The following SLC2A13 variants were observed in gnomAD, a reference collection of about 807,000 sequenced individuals.
SLC2A13 encodes the protein proton myo-inositol cotransporter.
SLC2A13 carries 32 observed loss-of-function variants against 64.4 expected under a neutral mutation model. The observed-to-expected ratio is 0.50, with a 90% CI of 0.37 to 0.67. The LOEUF is 0.67. Among genes scored for constraint, SLC2A13 ranks in the 30% least tolerant of loss-of-function variants. The pLI, the probability that SLC2A13 is intolerant of heterozygous loss-of-function variation, is 0.00. For synonymous variants in SLC2A13, 338 were observed against 327.1 expected (o/e 1.03, Z -0.36); for missense variants, 743 against 829.2 (o/e 0.90, Z 1.28).
chr12:39,838,386 A>C (rs1592190234), intron 6 of SLC2A13, among the ~76,000 whole-genome samples: 1 of 146,392 alleles, frequency 6.8e-6, no homozygotes, highest in East Asian at 2.1e-4. Flanking sequence ...GATATACCTA[A>C]TGCTAGATGA....
intron 3 of SLC2A13, among the ~76,000 whole-genome samples, chr12:39,986,978 A>G (rs973964265): frequency 1.3e-5 from 2 of 152,190 alleles, no homozygotes; most frequent in Non-Finnish European, 2.9e-5. Context: ...CAAGATTTAA[A>G]TACCTAGAGA....
intron 6 of SLC2A13, among the ~76,000 whole-genome samples, chr12:39,860,459 T>C (rs1225099064): frequency 3.3e-5 from 5 of 152,210 alleles, no homozygotes; most frequent in Non-Finnish European, 7.3e-5. Context: ...ATGGACTTAA[T>C]TATCATGCAT....
intron 3 of SLC2A13, among the ~76,000 whole-genome samples, chr12:39,984,140 G>A (rs1267713558): frequency 6.6e-6 from 1 of 151,298 alleles, no homozygotes. Flanking sequence ...GAGATCACAT[G>A]GACACAGGAA....
At chr12:40,096,092 T>A (rs1938932438) in intron 1 of SLC2A13, among the ~76,000 whole-genome samples, 2 of 151,700 alleles carry the variant, frequency 1.3e-5, no homozygotes, top group Non-Finnish European at 2.9e-5. Flanking sequence ...GCTAATTTTT[T>A]TTTTTTTTTG....
At chr12:39,797,009 A>G (rs1941598437) in intron 7 of SLC2A13, among the ~76,000 whole-genome samples, 1 of 152,236 alleles carries the variant, frequency 6.6e-6, no homozygotes, top group Non-Finnish European at 1.5e-5. Flanking sequence ...AGTGTAAAAG[A>G]GTGTTTTTTG....
intron 4 of SLC2A13, among the ~76,000 whole-genome samples, chr12:39,935,723 C>T (rs752178663): frequency 6.6e-6 from 1 of 152,116 alleles, no homozygotes; most frequent in Admixed American, 6.6e-5. Context: ...GACATGTGAC[C>T]TAAGTTTGGA....
intron 1 of SLC2A13, among the ~76,000 whole-genome samples, chr12:40,064,157 A>G (rs1948471621): frequency 6.6e-6 from 1 of 152,092 alleles, no homozygotes; most frequent in African/African-American, 2.4e-5. Context: ...TGTCAGGATG[A>G]TCACTTGAGT....
chr12:39,864,669 C>G, intron 6 of SLC2A13, 93 bp downstream of exon 6: 2 of 1,511,382 alleles, frequency 1.3e-6, no homozygotes, highest in Non-Finnish European at 1.8e-6. Flanking sequence ...GCCCAGCAAG[C>G]TCCTACTCAT....
At chr12:39,840,108 T>G (rs1310587172) in intron 6 of SLC2A13, among the ~76,000 whole-genome samples, 1 of 152,094 alleles carries the variant, frequency 6.6e-6, no homozygotes, top group East Asian at 1.9e-4. Context: ...CTTGGCTCAC[T>G]GCAACCTCCG....
chr12:39,845,028 T>A (rs1288950197), intron 6 of SLC2A13, among the ~76,000 whole-genome samples: 1 of 151,960 alleles, frequency 6.6e-6, no homozygotes, highest in Non-Finnish European at 1.5e-5. Flanking sequence ...TAAAAATAAT[T>A]TATAAGTTAT....
intron 6 of SLC2A13, among the ~76,000 whole-genome samples, chr12:39,846,937 C>A (rs761373336): frequency 2.0e-5 from 3 of 152,118 alleles, no homozygotes; most frequent in Non-Finnish European, 4.4e-5. Flanking sequence ...AAGGAAATCA[C>A]TCATTTGTTC....
At chr12:39,850,180 A>T (rs752767915) in intron 6 of SLC2A13, among the ~76,000 whole-genome samples, 5 of 152,190 alleles carry the variant, frequency 3.3e-5, no homozygotes, top group Non-Finnish European at 7.3e-5. Context: ...GGATTTGTCC[A>T]TAAGTAGCTA....
chr12:39,968,102 G>A (rs903352378), intron 3 of SLC2A13, among the ~76,000 whole-genome samples: 40 of 152,096 alleles, frequency 2.6e-4, no homozygotes, highest in African/African-American at 8.9e-4. Context: ...ACCCGAGATT[G>A]GGTAATTTCT....
chr12:39,997,439 A>C (rs894359379), intron 3 of SLC2A13, among the ~76,000 whole-genome samples: 34 of 152,174 alleles, frequency 2.2e-4, no homozygotes, highest in African/African-American at 7.2e-4. Context: ...AGATCTACAA[A>C]TGGCCAACAC....
chr12:40,038,441 G>A (rs921198700), intron 2 of SLC2A13, among the ~76,000 whole-genome samples: 1 of 152,068 alleles, frequency 6.6e-6, no homozygotes, highest in Non-Finnish European at 1.5e-5. Context: ...TAATGTAAAT[G>A]TGAAAAATAA....
chr12:40,075,606 T>C (rs1016841437), intron 1 of SLC2A13, among the ~76,000 whole-genome samples: 1 of 152,182 alleles, frequency 6.6e-6, no homozygotes, highest in Admixed American at 6.5e-5. Flanking sequence ...ATTTGAAGTT[T>C]GCTGAGTTTC....
intron 5 of SLC2A13, among the ~76,000 whole-genome samples, chr12:39,866,758 C>CT (rs1943922997): frequency 6.6e-6 from 1 of 152,146 alleles, no homozygotes; most frequent in Non-Finnish European, 1.5e-5. Flanking sequence ...GGATTACAGG[C>CT]GTGAGCCACA....
rs1215264939 is a variant in SLC2A13, at chr12:39,759,872, T to A, written c.*154A>T. 2 of 597,018 alleles carry A rather than the reference T, an allele frequency of 3.3e-6. No homozygotes were observed. The highest frequency in any genetic ancestry group is 3.2e-5 in the Admixed American group (1 of 31,656). 37.0% of individuals were successfully genotyped at this position (597,018 alleles called of 1,614,324 possible). A position where few individuals can be genotyped will look rare whatever the true frequency, so the allele number is the denominator to read the frequency against. ...TGTGGAAAAAAAAAGTCATCATGGT[T>A]GTATCTTCCTCCTAATCAAGTATTC... On this transcript the variant is annotated 3_prime_UTR_variant, in exon 10 of 10. Transcript: ENST00000280871.
intron 6 of SLC2A13, among the ~76,000 whole-genome samples, chr12:39,836,368 G>GAAGA (rs946378218): frequency 3.3e-5 from 5 of 152,092 alleles, no homozygotes; most frequent in African/African-American, 9.7e-5. Context: ...TAGCTGCAGA[G>GAAGA]AAGAAATATT....
Sources: allele counts gnomAD v4.1 joint callset (sites outside exome capture counted in the v4.1 genomes callset), GRCh38; gene constraint gnomAD v4.1.1; transcripts MANE v1.5; gene names NCBI Gene and HGNC (gene_info 2026-07-23, HGNC 2026-07-21).